NTNG1: variants seen among roughly 807,000 people sequenced by gnomAD.
The protein encoded by NTNG1 is netrin G1.
NTNG1 carries 16 observed loss-of-function variants against 54.0 expected under a neutral mutation model. The observed-to-expected ratio is 0.30, with a 90% CI of 0.20 to 0.45. The LOEUF (loss-of-function observed/expected upper bound fraction) is 0.45, where lower values mean the gene tolerates loss of function less well. Ranked by LOEUF, NTNG1 falls within the 20% of genes least tolerant of loss-of-function variation. NTNG1 has a pLI of 1.00. For missense variants in NTNG1, 530 were observed against 678.7 expected (o/e 0.78, Z 2.43); for synonymous variants, 255 against 263.1 (o/e 0.97, Z 0.30).
intron 2 of NTNG1, among the ~76,000 whole-genome samples, chr1:107,233,595 TTC>T (rs1253227197): frequency 6.6e-6 from 1 of 152,166 alleles, no homozygotes; most frequent in Non-Finnish European, 1.5e-5. Context: ...GGTGGTCAAG[TTC>T]TTTTAGTGAG....
chr1:107,482,797 A>C lies in NTNG1; in HGVS notation c.*1957A>C, dbSNP rs911938183. 1 of 152,230 alleles carries C rather than the reference A, an allele frequency of 6.6e-6. No individual in the cohort carries two copies. Among genetic ancestry groups the C allele is most frequent in the Non-Finnish European group, 1.5e-5 (1 of 68,040 alleles). 9.4% of individuals were successfully genotyped at this position (152,230 alleles called of 1,614,324 possible). On this transcript the variant is annotated 3_prime_UTR_variant, in exon 8 of 8. Coordinates refer to ENST00000370068, the MANE Select transcript of NTNG1 (RefSeq NM_001113226.3). ...GGTAAAAACTAGATGAAGGAACAGC[A>C]TGTCTTATTGGTTTTGTTCCCAGAA...
chr1:107,438,880 A>G (rs553273512), intron 7 of NTNG1, among the ~76,000 whole-genome samples: 2 of 152,056 alleles, frequency 1.3e-5, no homozygotes, highest in African/African-American at 2.4e-5. Context: ...AAATCATAAA[A>G]CCCTCTGTGC....
intron 2 of NTNG1, among the ~76,000 whole-genome samples, chr1:107,230,085 A>C (rs1660968770): frequency 6.6e-6 from 1 of 152,170 alleles, no homozygotes; most frequent in Non-Finnish European, 1.5e-5. Context: ...TGAGGAAACT[A>C]AGTATTAAAT....
At chr1:107,454,109 G>A (rs1010670991) in intron 7 of NTNG1, among the ~76,000 whole-genome samples, 1 of 152,054 alleles carries the variant, frequency 6.6e-6, no homozygotes, top group African/African-American at 2.4e-5. Context: ...TTTGCTTTCA[G>A]TGAAATGAAA....
At chr1:107,387,790 T>C (rs1219026402) in intron 3 of NTNG1, among the ~76,000 whole-genome samples, 1 of 152,184 alleles carries the variant, frequency 6.6e-6, no homozygotes, top group Non-Finnish European at 1.5e-5. Flanking sequence ...CTCAGAGTGA[T>C]AATGAGGATG....
At chr1:107,456,992 C>T (rs112917500) in intron 7 of NTNG1, among the ~76,000 whole-genome samples, 3,151 of 152,324 alleles carry the variant, frequency 0.021, 37 homozygotes, top group Admixed American at 0.039. Flanking sequence ...ACACCATCCA[C>T]ACATGTAAGA....
intron 4 of NTNG1, among the ~76,000 whole-genome samples, chr1:107,403,881 T>C (rs1458899303): frequency 6.6e-6 from 1 of 152,044 alleles, no homozygotes; most frequent in Non-Finnish European, 1.5e-5. Context: ...CTGAAGAAGA[T>C]GATGTCTTAA....
chr1:107,435,507 G>A (rs1317350696), intron 6 of NTNG1, among the ~76,000 whole-genome samples: 1 of 151,960 alleles, frequency 6.6e-6, no homozygotes, highest in Non-Finnish European at 1.5e-5. Flanking sequence ...TAATTCTAAG[G>A]TACTCCACAT....
At chr1:107,433,485 G>A (rs1675403360) in intron 6 of NTNG1, among the ~76,000 whole-genome samples, 3 of 152,326 alleles carry the variant, frequency 2.0e-5, no homozygotes, top group African/African-American at 7.2e-5. Flanking sequence ...GGTAGAGGTT[G>A]CAGTGAGCTG....
intron 3 of NTNG1, among the ~76,000 whole-genome samples, chr1:107,383,815 G>C (rs148745279): frequency 2.6e-4 from 39 of 152,206 alleles, no homozygotes; most frequent in African/African-American, 9.2e-4. Flanking sequence ...TGTATTTCTG[G>C]GGCTGGAATA....
chr1:107,163,783 A>G (rs1655576486), intron 2 of NTNG1, among the ~76,000 whole-genome samples: 1 of 152,224 alleles, frequency 6.6e-6, no homozygotes. Context: ...AAAACAAAGA[A>G]AGCTAACAAC....
At chr1:107,262,281 C>T (rs944227246) in intron 2 of NTNG1, among the ~76,000 whole-genome samples, 2 of 152,010 alleles carry the variant, frequency 1.3e-5, no homozygotes, top group African/African-American at 4.8e-5. Flanking sequence ...ACTGGGAGGA[C>T]GACTAGGTTC....
intron 3 of NTNG1, among the ~76,000 whole-genome samples, chr1:107,387,097 T>C (rs1267038060): frequency 6.6e-6 from 1 of 152,264 alleles, no homozygotes; most frequent in East Asian, 1.9e-4. Context: ...ATTGGGTTAT[T>C]TGTCATTTTA....
rs543380265 is a variant in NTNG1 at position 107,163,861 on chromosome 1, T to C, written c.246+15022T>C. Among the ~76,000 whole-genome samples, 3 of 152,300 alleles carry C rather than the reference T, an allele frequency of 2.0e-5. No individual in the cohort carries two copies. In the East Asian group the frequency reaches 5.8e-4, roughly 29 times the overall value. On this transcript the variant is annotated intron_variant, in intron 2 of 7. Transcript: ENST00000370068. ...ACATATTGGAATAGGCTCAATATGT[T>C]GGCTCTCATAAAGGCATAGCAAGTG...
intron 2 of NTNG1, among the ~76,000 whole-genome samples, chr1:107,308,017 T>C (rs1570641171): frequency 6.6e-6 from 1 of 152,152 alleles, no homozygotes; most frequent in East Asian, 1.9e-4. Flanking sequence ...ATAGTGTTTT[T>C]TTTTTTCTTG....
At chr1:107,256,914 T>C (rs1407675790) in intron 2 of NTNG1, among the ~76,000 whole-genome samples, 1 of 152,212 alleles carries the variant, frequency 6.6e-6, no homozygotes, top group Non-Finnish European at 1.5e-5. Flanking sequence ...TCCAAATTGT[T>C]ATTTTTTTTT....
chr1:107,333,649 A>G (rs547157458), intron 3 of NTNG1, among the ~76,000 whole-genome samples: 1 of 150,934 alleles, frequency 6.6e-6, no homozygotes, highest in African/African-American at 2.4e-5. Flanking sequence ...GTGTGTGTGC[A>G]TGTGTGTGTT....
At chr1:107,352,480 G>A (rs1669679044) in intron 3 of NTNG1, among the ~76,000 whole-genome samples, 2 of 152,168 alleles carry the variant, frequency 1.3e-5, no homozygotes, top group Non-Finnish European at 2.9e-5. Flanking sequence ...GACTCTGAGT[G>A]GAGGCTCCAG....
chr1:107,319,284 C>T (rs1401401217), intron 2 of NTNG1, among the ~76,000 whole-genome samples: 1 of 152,002 alleles, frequency 6.6e-6, no homozygotes, highest in Non-Finnish European at 1.5e-5. Flanking sequence ...CGGGAAGTGG[C>T]AAAAAGGAAC....
Sources: allele counts gnomAD v4.1 joint callset (sites outside exome capture counted in the v4.1 genomes callset), GRCh38; gene constraint gnomAD v4.1.1; transcripts MANE v1.5; gene names NCBI Gene and HGNC (gene_info 2026-07-23, HGNC 2026-07-21).